TEX9: variants seen among roughly 807,000 people sequenced by gnomAD.
TEX9 encodes the protein testis expressed 9.
In TEX9, 74 loss-of-function variants were observed where a neutral mutation model predicts 59.6. That is an observed-to-expected ratio of 1.24 (90% CI 1.03 to 1.51). The LOEUF (loss-of-function observed/expected upper bound fraction) is 1.51, where lower values mean the gene tolerates loss of function less well. TEX9 is among the 40% of genes most tolerant of loss of function. The pLI, the probability that TEX9 is intolerant of heterozygous loss-of-function variation, is 0.00. For synonymous variants in TEX9, 186 were observed against 152.2 expected (o/e 1.22, Z -1.64); for missense variants, 522 against 447.8 (o/e 1.17, Z -1.49).
intron 1 of TEX9, among the ~76,000 whole-genome samples, chr15:56,346,797 C>G (rs1216351971): frequency 6.6e-6 from 1 of 152,140 alleles, no homozygotes; most frequent in African/African-American, 2.4e-5. Context: ...AAAACTGTCA[C>G]TATTTGTAGA....
At chr15:56,374,321 G>C (rs1353061404) in intron 3 of TEX9, 1 of 151,966 alleles carries the variant, frequency 6.6e-6, no homozygotes, top group African/African-American at 2.4e-5. Flanking sequence ...AAAGGGGTTG[G>C]GGAATGGATT....
chr15:56,244,642 AG>A (rs1249455257), intron 1 of TEX9, among the ~76,000 whole-genome samples: 1 of 80,640 alleles, frequency 1.2e-5, no homozygotes, highest in Non-Finnish European at 2.3e-5. Context: ...AATTCCACCC[AG>A]GCTCTAAAGC....
At chr15:56,388,645 C>G in intron 5 of TEX9, 125 bp downstream of exon 5, 1 of 677,814 alleles carries the variant, frequency 1.5e-6, no homozygotes, top group Non-Finnish European at 2.5e-6. Context: ...AACCTTGATA[C>G]TCAGAGGGAT....
chr15:56,309,229 A>G (rs2045548981), intron 1 of TEX9, among the ~76,000 whole-genome samples: 1 of 152,172 alleles, frequency 6.6e-6, no homozygotes, highest in Non-Finnish European at 1.5e-5. Flanking sequence ...GGTTGAAGAA[A>G]TTCCCTTCTA....
At chr15:56,263,013 C>A (rs1052250465) in intron 1 of TEX9, among the ~76,000 whole-genome samples, 5 of 152,046 alleles carry the variant, frequency 3.3e-5, no homozygotes, top group African/African-American at 1.2e-4. Context: ...TAACAACACA[C>A]GTGGCTGTTT....
chr15:56,322,626 A>C (rs575811149), intron 1 of TEX9, among the ~76,000 whole-genome samples: 1 of 152,138 alleles, frequency 6.6e-6, no homozygotes, highest in Non-Finnish European at 1.5e-5. Context: ...GAAGTTGGTG[A>C]CTAAATTTTT....
chr15:56,245,009 G>A (rs1339297537), intron 1 of TEX9, among the ~76,000 whole-genome samples: 1 of 152,142 alleles, frequency 6.6e-6, no homozygotes, highest in Non-Finnish European at 1.5e-5. Context: ...CTTTGGGCCC[G>A]TGGGTGTTAT....
At chr15:56,323,897 T>A (rs76665040) in intron 1 of TEX9, among the ~76,000 whole-genome samples, 22 of 152,078 alleles carry the variant, frequency 1.4e-4, no homozygotes, top group African/African-American at 5.3e-4. Context: ...ATAATTGAAA[T>A]GTAAGGCTCT....
intron 1 of TEX9, among the ~76,000 whole-genome samples, chr15:56,290,655 A>G (rs770455455): frequency 1.3e-5 from 2 of 151,916 alleles, no homozygotes; most frequent in Non-Finnish European, 2.9e-5. Flanking sequence ...GGTTCTCACT[A>G]TGTTGCCCAG....
chr15:56,291,167 G>A (rs1450812832), intron 1 of TEX9, among the ~76,000 whole-genome samples: 5 of 152,200 alleles, frequency 3.3e-5, no homozygotes, highest in East Asian at 1.9e-4. Flanking sequence ...GATACAGATT[G>A]TAATATAGAT....
intron 12 of TEX9, among the ~76,000 whole-genome samples, chr15:56,435,128 G>A (rs2050698372): frequency 6.6e-6 from 1 of 152,022 alleles, no homozygotes; most frequent in Admixed American, 6.6e-5. Flanking sequence ...CAAAATTTGT[G>A]AGATGCTGCT....
chr15:56,308,395 C>T (rs1386973761), intron 1 of TEX9, among the ~76,000 whole-genome samples: 3 of 152,084 alleles, frequency 2.0e-5, no homozygotes, highest in African/African-American at 7.2e-5. Context: ...ATCCTTTGCC[C>T]ATTCTTTGAT....
chr15:56,285,537 A>G (rs2044932881), intron 1 of TEX9, among the ~76,000 whole-genome samples: 1 of 152,198 alleles, frequency 6.6e-6, no homozygotes, highest in South Asian at 2.1e-4. Flanking sequence ...TTCAAGTTTT[A>G]CAGGAATGAC....
intron 1 of TEX9, among the ~76,000 whole-genome samples, chr15:56,300,457 C>T (rs1486757585): frequency 6.6e-6 from 1 of 152,080 alleles, no homozygotes; most frequent in Non-Finnish European, 1.5e-5. Context: ...CTTGAAGTTC[C>T]CATGCATGGC....
chr15:56,308,601 C>T (rs1303546494), intron 1 of TEX9, among the ~76,000 whole-genome samples: 1 of 151,916 alleles, frequency 6.6e-6, no homozygotes, highest in Non-Finnish European at 1.5e-5. Context: ...GTTGCATGTG[C>T]TTTTGGTATC....
At chr15:56,381,374 G>T (rs772134327) in intron 3 of TEX9, among the ~76,000 whole-genome samples, 6 of 152,138 alleles carry the variant, frequency 3.9e-5, no homozygotes, top group Non-Finnish European at 5.9e-5. Flanking sequence ...AAGGTCACAT[G>T]TCTCTGTTTT....
chr15:56,412,218 A>G lies in TEX9; in HGVS notation c.829-84A>G. The G allele has an allele frequency of 4.6e-6, 6 of 1,298,046 alleles. No homozygotes were observed. The East Asian group carries it at 1.3e-4, about 27-fold the overall frequency. The allele number at this position is 1,298,046 out of a possible 1,614,324, so 80.4% of individuals were successfully genotyped here. On this transcript the variant is annotated intron_variant, in intron 9 of 12. Coordinates refer to ENST00000352903, the Ensembl canonical transcript of TEX9. ...TAAAGTTTGAGAGAAAGCAAGGAAT[A>G]TGGATATGGAAGATACTGCAAAATG...
chr15:56,352,136 T>C (rs1401944084), intron 1 of TEX9, among the ~76,000 whole-genome samples: 1 of 152,212 alleles, frequency 6.6e-6, no homozygotes, highest in African/African-American at 2.4e-5. Context: ...GTGAATGAAC[T>C]TCATTTCCAG....
Position 56,426,616 on chromosome 15 carries a change from TATATATATATAC to T in TEX9, c.964-987_964-976del, listed in dbSNP as rs1357272447. Among the ~76,000 whole-genome samples, 10 of 45,842 alleles carry T rather than the reference TATATATATATAC, an allele frequency of 2.2e-4. 1 individual carries two copies. Among genetic ancestry groups the T allele is most frequent in the Middle Eastern group, 0.011 (1 of 90 alleles). 30.1% of individuals were successfully genotyped at this position (45,842 alleles called of 152,430 possible). A position where few individuals can be genotyped will look rare whatever the true frequency, so the allele number is the denominator to read the frequency against. ...ATATATATATATATATATATATATA[TATATATATATAC>T]ACACACACAAACACACACACACACA... On this transcript the variant is annotated intron_variant, in intron 10 of 12. Coordinates refer to ENST00000352903, the Ensembl canonical transcript of TEX9.
Sources: gnomAD v4.1 joint callset for allele counts (sites outside exome capture counted in the v4.1 genomes callset) on GRCh38, gnomAD v4.1.1 for gene constraint, MANE v1.5 for transcripts, NCBI Gene and HGNC (gene_info 2026-07-23, HGNC 2026-07-21) for gene names.